The following ADAM2 variants were observed in gnomAD, a reference collection of about 807,000 sequenced individuals.
ADAM2 encodes ADAM metallopeptidase domain 2.
ADAM2 carries 101 observed loss-of-function variants against 99.3 expected under a neutral mutation model. The ratio of observed to expected loss-of-function variants is 1.02; its 90% CI spans 0.87 to 1.20. The LOEUF (loss-of-function observed/expected upper bound fraction) is 1.20, where lower values mean the gene tolerates loss of function less well. Ranked by LOEUF, ADAM2 falls within the 50% of genes most tolerant of loss-of-function variation. The pLI, the probability that ADAM2 is intolerant of heterozygous loss-of-function variation, is 0.00. For missense variants in ADAM2, 948 were observed against 878.7 expected, an observed-to-expected ratio of 1.08 and a Z score of -1.00; for synonymous variants, 323 against 287.6, an observed-to-expected ratio of 1.12 and a Z score of -1.25.
intron 6 of ADAM2, among the ~76,000 whole-genome samples, chr8:39,820,758 C>A (rs1280637417): frequency 6.6e-6 from 1 of 151,962 alleles, no homozygotes; most frequent in African/African-American, 2.4e-5. Flanking sequence ...CAATAAAGGT[C>A]TAGATTACAG....
chr8:39,766,438 CT>C (rs770236532), intron 14 of ADAM2, among the ~76,000 whole-genome samples: 2,528 of 142,482 alleles, frequency 0.018, 38 homozygotes, highest in African/African-American at 0.052. Context: ...ACAGTATTCT[CT>C]TTTTTTTTTT....
chr8:39,829,376 C>A lies in ADAM2; in HGVS notation c.189-4479G>T, dbSNP rs116226226. On this transcript the variant is annotated intron_variant, in intron 3 of 20. Transcript: ENST00000265708. The stretch of plus-strand genomic sequence containing the variant: ...ACAGGCACTTCACAGGGGAGAAATT[C>A]CATATGGCTAACTGCTGTATTTAAA... 3.8e-3 allele frequency among the ~76,000 whole-genome samples: 580 copies of A among 151,980 alleles called. 9 individuals carry two copies. The highest frequency in any genetic ancestry group is 0.013 in the African/African-American group (551 of 41,502).
At chr8:39,790,229 T>C (rs1457315276) in intron 7 of ADAM2, among the ~76,000 whole-genome samples, 2 of 151,942 alleles carry the variant, frequency 1.3e-5, no homozygotes, top group African/African-American at 2.4e-5. Flanking sequence ...CAAAAATTTG[T>C]ACACAAATGT....
chr8:39,767,298 A>G, intron 12 of ADAM2, 47 bp from the exon 13 acceptor site: 1 of 1,471,126 alleles, frequency 6.8e-7, no homozygotes, highest in Non-Finnish European at 9.4e-7. Context: ...ACTTGTATTC[A>G]TATTGGACAG....
intron 12 of ADAM2, among the ~76,000 whole-genome samples, chr8:39,767,497 G>A (rs1802618082): frequency 6.6e-6 from 1 of 152,170 alleles, no homozygotes; most frequent in Admixed American, 6.5e-5. Flanking sequence ...AGGATTCTCT[G>A]AAGCCCTGGG....
At chr8:39,777,950 T>C (rs1323558878) in intron 10 of ADAM2, among the ~76,000 whole-genome samples, 2 of 149,988 alleles carry the variant, frequency 1.3e-5, no homozygotes, top group East Asian at 1.9e-4. Context: ...TAATGACTGA[T>C]ATAAGAATTC....
At chr8:39,797,792 T>G (rs1355795818) in intron 7 of ADAM2, among the ~76,000 whole-genome samples, 1 of 152,212 alleles carries the variant, frequency 6.6e-6, no homozygotes, top group Non-Finnish European at 1.5e-5. Flanking sequence ...TATTTTATTT[T>G]CTTTGTAGCA....
chr8:39,744,225 C>A (rs1222371027), intron 20 of ADAM2, among the ~76,000 whole-genome samples, 161 bp from the exon 21 acceptor site: 1 of 151,814 alleles, frequency 6.6e-6, no homozygotes, highest in Admixed American at 6.6e-5. Flanking sequence ...GTAAAATTAA[C>A]TAAAGAAAAT....
chr8:39,831,469 A>G (rs538654972), intron 3 of ADAM2, among the ~76,000 whole-genome samples: 1 of 152,328 alleles, frequency 6.6e-6, no homozygotes, highest in East Asian at 1.9e-4. Flanking sequence ...CTCATCAATG[A>G]TAGTTCCAAA....
intron 4 of ADAM2, among the ~76,000 whole-genome samples, chr8:39,823,672 C>A (rs573994181): frequency 3.3e-5 from 5 of 151,968 alleles, no homozygotes; most frequent in Non-Finnish European, 7.4e-5. Context: ...CTCACTCTAT[C>A]TTCTGTCCTC....
intron 7 of ADAM2, among the ~76,000 whole-genome samples, chr8:39,800,664 A>G (rs917779042): frequency 1.3e-5 from 2 of 152,134 alleles, no homozygotes; most frequent in African/African-American, 4.8e-5. Flanking sequence ...TGATACTCCA[A>G]TCAATCTTAG....
chr8:39,748,669 G>A (rs115090783), intron 18 of ADAM2, among the ~76,000 whole-genome samples: 1,585 of 152,116 alleles, frequency 0.01, 30 homozygotes, highest in African/African-American at 0.036. Context: ...AATATCACAG[G>A]GAACCGCACT....
intron 11 of ADAM2, among the ~76,000 whole-genome samples, chr8:39,770,189 C>T (rs1033414615): frequency 2.0e-5 from 3 of 152,046 alleles, no homozygotes; most frequent in Admixed American, 6.5e-5. Flanking sequence ...CCTCGTGATT[C>T]GCCCACCTAG....
intron 9 of ADAM2, 46 bp downstream of exon 9, chr8:39,788,039 T>C: frequency 7.8e-7 from 1 of 1,280,260 alleles, no homozygotes; most frequent in Non-Finnish European, 1.0e-6. Context: ...TCAAATTGCA[T>C]AAATTTTCTT....
At chr8:39,789,660 G>A (rs1803621082) in intron 7 of ADAM2, among the ~76,000 whole-genome samples, 1 of 151,596 alleles carries the variant, frequency 6.6e-6, no homozygotes, top group African/African-American at 2.4e-5. Context: ...ATTAATATTT[G>A]AAGAAGAATC....
chr8:39,785,796 TA>T (rs58429092), intron 10 of ADAM2, among the ~76,000 whole-genome samples: 63,948 of 123,150 alleles, frequency 0.52, 13,905 homozygotes, highest in South Asian at 0.68. Flanking sequence ...CTGTCTCAAA[TA>T]AAAAAAAAAA....
intron 3 of ADAM2, among the ~76,000 whole-genome samples, chr8:39,828,678 T>C (rs1805504875): frequency 6.6e-6 from 1 of 151,826 alleles, no homozygotes; most frequent in African/African-American, 2.4e-5. Flanking sequence ...TTTGGACAGA[T>C]AAATTAGACA....
intron 3 of ADAM2, among the ~76,000 whole-genome samples, chr8:39,830,916 T>C (rs191024769): frequency 1.3e-5 from 2 of 152,266 alleles, no homozygotes; most frequent in East Asian, 3.9e-4. Flanking sequence ...CTGGAACCCT[T>C]ATGAATGGGA....
At chr8:39,790,923 C>G (rs1451744) in intron 7 of ADAM2, among the ~76,000 whole-genome samples, 5,644 of 151,904 alleles carry the variant, frequency 0.037, 342 homozygotes, top group African/African-American at 0.13. Context: ...GCTTTTCCCC[C>G]ATGACAAAAA....
Sources: gnomAD v4.1 joint callset for allele counts (sites outside exome capture counted in the v4.1 genomes callset) on GRCh38, gnomAD v4.1.1 for gene constraint, MANE v1.5 for transcripts, NCBI Gene and HGNC (gene_info 2026-07-23, HGNC 2026-07-21) for gene names.